TMEM117: variants seen among roughly 807,000 people sequenced by gnomAD.
TMEM117 encodes the protein transmembrane protein 117.
TMEM117 carries 27 observed loss-of-function variants against 52.4 expected under a neutral mutation model. The ratio of observed to expected loss-of-function variants is 0.51; its 90% CI spans 0.38 to 0.71. The LOEUF is 0.71. Among genes scored for constraint, TMEM117 ranks in the 30% least tolerant of loss-of-function variants. The pLI is 0.00. For missense variants in TMEM117, 556 were observed against 630.5 expected, an observed-to-expected ratio of 0.88 and a Z score of 1.26; for synonymous variants, 215 against 206.3, an observed-to-expected ratio of 1.04 and a Z score of -0.36.
At chr12:44,001,749 G>T (rs1946120073) in intron 3 of TMEM117, among the ~76,000 whole-genome samples, 1 of 152,250 alleles carries the variant, frequency 6.6e-6, no homozygotes, top group East Asian at 1.9e-4. Flanking sequence ...GAGGCTGAAG[G>T]AGGGAGTGGG....
chr12:44,091,474 C>A (rs563730918), intron 3 of TMEM117, among the ~76,000 whole-genome samples: 2 of 152,218 alleles, frequency 1.3e-5, no homozygotes, highest in South Asian at 4.1e-4. Flanking sequence ...TTGAGTTTTG[C>A]CATTTAATAA....
chr12:44,320,170 C>T (rs2138697090), intron 6 of TMEM117, among the ~76,000 whole-genome samples: 1 of 152,296 alleles, frequency 6.6e-6, no homozygotes, highest in Middle Eastern at 3.4e-3. Context: ...TCCAGTCACT[C>T]ACACCAAAAA....
At chr12:44,069,375 A>G (rs1404906181) in intron 3 of TMEM117, among the ~76,000 whole-genome samples, 6 of 152,190 alleles carry the variant, frequency 3.9e-5, no homozygotes, top group South Asian at 4.1e-4. Flanking sequence ...GAGAGGTGAC[A>G]TTTCAGCAAA....
chr12:43,959,014 C>A lies in TMEM117; in HGVS notation c.410+14672C>A, dbSNP rs538053218. Among the ~76,000 whole-genome samples, 61 of 151,984 alleles carry A rather than the reference C, an allele frequency of 4.0e-4. No individual in the cohort carries two copies. In the East Asian group the frequency reaches 4.5e-3, roughly 11 times the overall value. ...AATAGAGACGGGGTTTCACCATGTT[C>A]GCCAGGATGGTCTTGATCTCCTGAC... On this transcript the variant is annotated intron_variant, in intron 3 of 7. Coordinates refer to ENST00000266534, the MANE Select transcript of TMEM117 (RefSeq NM_032256.3).
intron 3 of TMEM117, among the ~76,000 whole-genome samples, chr12:44,002,995 T>G (rs929301225): frequency 1.3e-5 from 2 of 152,164 alleles, no homozygotes; most frequent in African/African-American, 4.8e-5. Flanking sequence ...GCCTTTAACT[T>G]ACTTGACAAA....
At chr12:44,330,218 G>A (rs1394833143) in intron 6 of TMEM117, among the ~76,000 whole-genome samples, 1 of 151,830 alleles carries the variant, frequency 6.6e-6, no homozygotes, top group East Asian at 1.9e-4. Flanking sequence ...ATCTCATTGT[G>A]GTTTTGATTG....
intron 3 of TMEM117, among the ~76,000 whole-genome samples, 193 bp from the exon 4 acceptor site, chr12:44,143,332 A>C (rs1353667360): frequency 6.6e-6 from 1 of 152,226 alleles, no homozygotes; most frequent in African/African-American, 2.4e-5. Context: ...TCAGTCTTCA[A>C]GTATAATTGA....
chr12:43,853,950 C>A lies in TMEM117; in HGVS notation c.277+9022C>A, dbSNP rs1157298595. 5.3e-5 allele frequency among the ~76,000 whole-genome samples: 8 copies of A among 152,234 alleles called. No homozygotes were observed. In the South Asian group the frequency reaches 1.7e-3, roughly 32 times the overall value. On this transcript the variant is annotated intron_variant, in intron 2 of 7. Coordinates refer to ENST00000266534, the MANE Select transcript of TMEM117 (RefSeq NM_032256.3). ...TAGAAAGTGTGAGCAAAGATGGAGA[C>A]AACTCAGCTTTTTTTTGGAGTTGGG...
intron 2 of TMEM117, among the ~76,000 whole-genome samples, chr12:43,888,181 T>C (rs1351950588): frequency 1.3e-5 from 2 of 152,232 alleles, no homozygotes; most frequent in African/African-American, 2.4e-5. Context: ...ATCTGAGAGA[T>C]AGGCATAATA....
chr12:44,046,938 A>G (rs1362133768), intron 3 of TMEM117, among the ~76,000 whole-genome samples: 1 of 151,936 alleles, frequency 6.6e-6, no homozygotes, highest in Non-Finnish European at 1.5e-5. Flanking sequence ...TGACCTCATT[A>G]TTGTCTTTAT....
chr12:43,806,148 G>C, the TMEM117 span: 2 of 1,490,136 alleles, frequency 1.3e-6, no homozygotes, highest in Non-Finnish European at 9.0e-7. Context: ...AGCCCTGCCG[G>C]TCCTGCAGCC....
At chr12:43,888,193 C>T (rs962848441) in intron 2 of TMEM117, among the ~76,000 whole-genome samples, 1 of 152,128 alleles carries the variant, frequency 6.6e-6, no homozygotes, top group Non-Finnish European at 1.5e-5. Flanking sequence ...GGCATAATAC[C>T]TACCTCACAG....
At chr12:44,081,766 C>T (rs372160210) in intron 3 of TMEM117, among the ~76,000 whole-genome samples, 1 of 152,038 alleles carries the variant, frequency 6.6e-6, no homozygotes, top group Non-Finnish European at 1.5e-5. Flanking sequence ...AATCTCCAAT[C>T]TCATCAAGCA....
At chr12:44,172,721 G>A (rs544144035) in intron 4 of TMEM117, among the ~76,000 whole-genome samples, 3 of 152,124 alleles carry the variant, frequency 2.0e-5, no homozygotes, top group African/African-American at 7.2e-5. Flanking sequence ...AGTTTTCTGT[G>A]CAAAATCTTT....
At chr12:44,301,688 CTCTTA>C (rs1220546777) in intron 6 of TMEM117, among the ~76,000 whole-genome samples, 5 of 152,190 alleles carry the variant, frequency 3.3e-5, no homozygotes, top group African/African-American at 7.2e-5. Context: ...TATTTTCCAT[CTCTTA>C]TCTTTTTTGT....
intron 3 of TMEM117, among the ~76,000 whole-genome samples, chr12:44,029,846 G>T (rs928813721): frequency 1.3e-4 from 20 of 152,276 alleles, no homozygotes; most frequent in East Asian, 1.9e-4. Flanking sequence ...TAAAAACTTT[G>T]CTGCAGTTCC....
chr12:44,146,954 C>A (rs1948651196), intron 4 of TMEM117, among the ~76,000 whole-genome samples: 1 of 152,040 alleles, frequency 6.6e-6, no homozygotes, highest in South Asian at 2.1e-4. Flanking sequence ...TGGTGTCAAC[C>A]AATATGAGAA....
the TMEM117 span, among the ~76,000 whole-genome samples, chr12:44,396,698 A>G: frequency 7.2e-5 from 11 of 152,148 alleles, no homozygotes; most frequent in East Asian, 2.1e-3. Context: ...TACTGAAAAT[A>G]TAAAAATTAG....
rs1951215111 is a variant in TMEM117 at position 44,327,717 on chromosome 12, G to A, written c.768+27978G>A. Among the ~76,000 whole-genome samples, 3 of 152,030 alleles carry A rather than the reference G, an allele frequency of 2.0e-5. No individual in the cohort carries two copies. The South Asian group carries it at 6.2e-4, about 31-fold the overall frequency. On this transcript the variant is annotated intron_variant, in intron 6 of 7. Transcript: ENST00000266534. ...TGTTACATAGAAATATGAAGCAGGA[G>A]TTCTAGTTTTTCTAGCAATCAGTTA...
Sources: allele counts gnomAD v4.1 joint callset (sites outside exome capture counted in the v4.1 genomes callset), GRCh38; gene constraint gnomAD v4.1.1; transcripts MANE v1.5; gene names NCBI Gene and HGNC (gene_info 2026-07-23, HGNC 2026-07-21).